EFNA5: variants seen among roughly 807,000 people sequenced by gnomAD.
The protein encoded by EFNA5 is ephrin A5, also known as ephrin-A5.
EFNA5 carries 5 observed loss-of-function variants against 22.9 expected under a neutral mutation model. The observed-to-expected ratio is 0.22, with a 90% CI of 0.11 to 0.46. The LOEUF (loss-of-function observed/expected upper bound fraction) is 0.46. Ranked by LOEUF, EFNA5 falls within the 20% of genes least tolerant of loss-of-function variation. The pLI, the probability that EFNA5 is intolerant of heterozygous loss-of-function variation, is 0.99. For missense variants in EFNA5, 237 were observed against 293.3 expected (o/e 0.81, Z 1.40); for synonymous variants, 113 against 112.2 (o/e 1.01, Z -0.04).
At chr5:107,634,734 A>G (rs1315329094) in intron 1 of EFNA5, among the ~76,000 whole-genome samples, 1 of 128,314 alleles carries the variant, frequency 7.8e-6, no homozygotes, top group Non-Finnish European at 1.8e-5. Context: ...ACAGTATTTC[A>G]AATGGGAGAA....
intron 1 of EFNA5, among the ~76,000 whole-genome samples, chr5:107,599,671 A>T (rs1749548567): frequency 6.6e-6 from 1 of 152,266 alleles, no homozygotes; most frequent in Non-Finnish European, 1.5e-5. Context: ...ACTGCAGTCT[A>T]GAAAGATTTG....
intron 1 of EFNA5, among the ~76,000 whole-genome samples, chr5:107,627,417 A>G (rs538123152): frequency 3.5e-4 from 53 of 152,338 alleles, no homozygotes; most frequent in African/African-American, 1.3e-3. Context: ...GGTCATTTAC[A>G]ACACACACCA....
intron 1 of EFNA5, among the ~76,000 whole-genome samples, chr5:107,597,060 A>G (rs1389635509): frequency 6.6e-6 from 1 of 152,162 alleles, no homozygotes; most frequent in Non-Finnish European, 1.5e-5. Context: ...TAAAACACTC[A>G]TTTCTTTCAG....
chr5:107,546,440 A>G (rs1489027015), intron 1 of EFNA5, among the ~76,000 whole-genome samples: 3 of 152,250 alleles, frequency 2.0e-5, no homozygotes, highest in Non-Finnish European at 4.4e-5. Context: ...TGCTTCCAAC[A>G]GGAACACTAA....
intron 1 of EFNA5, among the ~76,000 whole-genome samples, chr5:107,538,521 AG>A (rs1220228675): frequency 6.6e-6 from 1 of 152,246 alleles, no homozygotes; most frequent in African/African-American, 2.4e-5. Context: ...ATGTACAGAC[AG>A]GAAGTGGGAT....
At chr5:107,646,441 A>G (rs1750635334) in intron 1 of EFNA5, among the ~76,000 whole-genome samples, 1 of 152,218 alleles carries the variant, frequency 6.6e-6, no homozygotes, top group South Asian at 2.1e-4. Flanking sequence ...ACTGTGTGCC[A>G]AGCACTATGT....
At chr5:107,482,931 T>C (rs900532474) in intron 1 of EFNA5, among the ~76,000 whole-genome samples, 3 of 149,602 alleles carry the variant, frequency 2.0e-5, no homozygotes, top group Non-Finnish European at 3.0e-5. Flanking sequence ...CACACATACA[T>C]ATGACACTAA....
intron 1 of EFNA5, among the ~76,000 whole-genome samples, chr5:107,430,121 T>C (rs2112424119): frequency 6.6e-6 from 1 of 152,354 alleles, no homozygotes; most frequent in East Asian, 1.9e-4. Flanking sequence ...GTTTACTTTT[T>C]CTTCATTACT....
intron 1 of EFNA5, among the ~76,000 whole-genome samples, chr5:107,571,667 C>A (rs1407433272): frequency 6.6e-6 from 1 of 152,068 alleles, no homozygotes; most frequent in African/African-American, 2.4e-5. Context: ...TGAGCAATTG[C>A]CAGCCGTGGA....
intron 1 of EFNA5, among the ~76,000 whole-genome samples, chr5:107,504,936 C>T (rs1199261814): frequency 6.6e-6 from 1 of 152,066 alleles, no homozygotes; most frequent in African/African-American, 2.4e-5. Flanking sequence ...CCTATAATAT[C>T]ATCCTATTTA....
chr5:107,399,318 C>CGGAAAGGAAAGGAGA (rs1748020935), intron 2 of EFNA5, among the ~76,000 whole-genome samples: 1 of 94,570 alleles, frequency 1.1e-5, no homozygotes, highest in Non-Finnish European at 2.1e-5. Context: ...AGGAAGGAAA[C>CGGAAAGGAAAGGAGA]GGAAAGGAAA....
chr5:107,622,028 C>T (rs17160270), intron 1 of EFNA5, among the ~76,000 whole-genome samples: 4,339 of 150,706 alleles, frequency 0.029, 197 homozygotes, highest in African/African-American at 0.1. Context: ...TAACTGAATG[C>T]ATAACTGCCT....
At chr5:107,497,594 C>T (rs952823839) in intron 1 of EFNA5, among the ~76,000 whole-genome samples, 2 of 151,892 alleles carry the variant, frequency 1.3e-5, no homozygotes, top group African/African-American at 4.9e-5. Context: ...CTCACGGCTA[C>T]CTAGGGAGCG....
chr5:107,622,942 A>AC (rs1338533827), intron 1 of EFNA5, among the ~76,000 whole-genome samples: 1 of 142,832 alleles, frequency 7.0e-6, no homozygotes, highest in Non-Finnish European at 1.5e-5. Flanking sequence ...AATGGCGTGA[A>AC]CCCGGGAAGC....
chr5:107,670,427 C>T, intron 1 of EFNA5, 62 bp downstream of exon 1: 4 of 1,501,242 alleles, frequency 2.7e-6, no homozygotes, highest in South Asian at 1.3e-5. Flanking sequence ...TCCCCGCCGC[C>T]GCTCCTTCCG....
At chr5:107,408,692 T>A (rs1269020163) in intron 2 of EFNA5, among the ~76,000 whole-genome samples, 2 of 152,176 alleles carry the variant, frequency 1.3e-5, no homozygotes, top group African/African-American at 4.8e-5. Flanking sequence ...CACAGATCCC[T>A]TCATTCTAGA....
At chr5:107,470,488 A>G (rs1169018713) in intron 1 of EFNA5, among the ~76,000 whole-genome samples, 1 of 152,252 alleles carries the variant, frequency 6.6e-6, no homozygotes, top group Non-Finnish European at 1.5e-5. Context: ...TGAAACCATT[A>G]ATGTCTGTGT....
intron 1 of EFNA5, among the ~76,000 whole-genome samples, chr5:107,489,324 C>T (rs1746734572): frequency 6.6e-6 from 1 of 152,054 alleles, no homozygotes; most frequent in Non-Finnish European, 1.5e-5. Flanking sequence ...CAGGCACGTG[C>T]CACCATGTCT....
At chr5:107,463,080 G>A (rs1749875990) in intron 1 of EFNA5, among the ~76,000 whole-genome samples, 1 of 152,098 alleles carries the variant, frequency 6.6e-6, no homozygotes, top group Non-Finnish European at 1.5e-5. Context: ...AGATTAGATA[G>A]AGAGGCAAGG....
Sources: allele counts gnomAD v4.1 joint callset (sites outside exome capture counted in the v4.1 genomes callset), GRCh38; gene constraint gnomAD v4.1.1; transcripts MANE v1.5; gene names NCBI Gene and HGNC (gene_info 2026-07-23, HGNC 2026-07-21).